Variants in TAMM41 observed in about 807,000 individuals in gnomAD.
TAMM41 encodes phosphatidate cytidylyltransferase, mitochondrial.
A neutral mutation model predicts 44.1 loss-of-function variants in TAMM41; 36 were observed. The ratio of observed to expected loss-of-function variants is 0.82; its 90% confidence interval spans 0.63 to 1.08. The LOEUF is 1.08. Among genes scored for constraint, TAMM41 ranks in the 50% least tolerant of loss-of-function variants. TAMM41 has a pLI of 0.00. For synonymous variants in TAMM41, 164 were observed against 153.1 expected (o/e 1.07, Z -0.53); for missense variants, 417 against 404.3 (o/e 1.03, Z -0.27).
rs143925365 is a variant in TAMM41, at chr3:11,809,541, C to T, written c.850G>A (p.Asp284Asn). Residue 284 changes from aspartate to asparagine, a missense_variant, in exon 6 of 8, where the codon GAC becomes AAC. Asp to Asn is a conservative substitution (Grantham distance 23). Coordinates refer to ENST00000455809, the MANE Select transcript of TAMM41 (RefSeq NM_001284401.2). ...ETLFQVAHDPDCGDVVRLGLS... is the reference protein window; with the variant it reads ...ETLFQVAHDPNCGDVVRLGLS... ...CCTAGTCGCACCACATCTCCACAGT[C>T]GGGATCATGAGCCACTTGGAATAAA... 9 of 1,613,948 alleles carry T rather than the reference C, an allele frequency of 5.6e-6. No individual in the cohort carries two copies. The highest frequency in any genetic ancestry group is 1.7e-5 in the Admixed American group (1 of 59,980).
chr3:11,759,281 G>A, the TAMM41 span, among the ~76,000 whole-genome samples: 1 of 152,108 alleles, frequency 6.6e-6, no homozygotes, highest in East Asian at 1.9e-4. Context: ...AGAGCTTAGC[G>A]GGTGATCAAC....
the TAMM41 span, among the ~76,000 whole-genome samples, chr3:11,733,641 C>T: frequency 3.3e-5 from 5 of 151,886 alleles, no homozygotes; most frequent in Admixed American, 1.3e-4. Flanking sequence ...TACAGGTGCC[C>T]GCCACCACAC....
chr3:11,809,528 A>G lies in TAMM41; in HGVS notation c.863T>C (p.Val288Ala), dbSNP rs756878772. The change falls in exon 6 of 8, where the codon GTG becomes GCG. Residue 288 changes from valine to alanine, a missense_variant. Physicochemically the swap from Val to Ala is moderately conservative, Grantham distance 64 (BLOSUM62 0). Transcript: ENST00000455809. ...QVAHDPDCGD[V>A]VRLGLSAIVR... is the part of the protein sequence containing the mutation. Reference sequence around the variant, plus strand: ...ATTCATAAACGTACCTAGTCGCACCACATCTCCACAGTCGGGATCATGAGC... The same window carrying G: ...ATTCATAAACGTACCTAGTCGCACCGCATCTCCACAGTCGGGATCATGAGC... 1 of 1,613,842 alleles carries G rather than the reference A, an allele frequency of 6.2e-7. No homozygotes were observed. The highest frequency in any genetic ancestry group is 8.5e-7 in the Non-Finnish European group (1 of 1,179,976).
At chr3:11,769,700 C>A in the TAMM41 span, among the ~76,000 whole-genome samples, 2 of 152,260 alleles carry the variant, frequency 1.3e-5, no homozygotes, top group Admixed American at 1.3e-4. Context: ...GCAAGGAGAC[C>A]ACTGACTATG....
intron 4 of TAMM41, among the ~76,000 whole-genome samples, chr3:11,818,897 C>CA (rs11419189): frequency 0.23 from 22,340 of 96,762 alleles, 3,764 homozygotes; most frequent in East Asian, 0.54. Flanking sequence ...GACTCCATCT[C>CA]AAAAAAAAAA....
intron 4 of TAMM41, among the ~76,000 whole-genome samples, chr3:11,817,706 G>A (rs1319040256): frequency 1.3e-5 from 2 of 152,196 alleles, no homozygotes; most frequent in African/African-American, 4.8e-5. Context: ...GATAGGAGCT[G>A]TGCACCATCA....
chr3:11,774,021 G>C, the TAMM41 span, among the ~76,000 whole-genome samples: 1 of 152,192 alleles, frequency 6.6e-6, no homozygotes, highest in Non-Finnish European at 1.5e-5. Context: ...CCAGGAAGGA[G>C]AGGTTGCAGT....
intron 1 of TAMM41, 35 bp downstream of exon 1, chr3:11,846,463 GAACA>G: frequency 1.2e-6 from 2 of 1,613,214 alleles, no homozygotes; most frequent in East Asian, 2.2e-5. Flanking sequence ...GGACTCGTGA[GAACA>G]GACAGTTCCC....
At chr3:11,844,513 C>T (rs2079587260) in intron 1 of TAMM41, among the ~76,000 whole-genome samples, 1 of 152,178 alleles carries the variant, frequency 6.6e-6, no homozygotes, top group South Asian at 2.1e-4. Context: ...CTGCTATTAT[C>T]TCAATTTTAT....
the TAMM41 span, among the ~76,000 whole-genome samples, chr3:11,733,469 C>T: frequency 6.6e-6 from 1 of 151,674 alleles, no homozygotes; most frequent in Non-Finnish European, 1.5e-5. Flanking sequence ...GCATCCAGGC[C>T]TTATAAGGAG....
chr3:11,823,622 T>C (rs553219383), intron 4 of TAMM41, among the ~76,000 whole-genome samples: 25 of 151,914 alleles, frequency 1.6e-4, no homozygotes, highest in African/African-American at 5.8e-4. Context: ...ATGCATGATT[T>C]GTAAACATTT....
chr3:11,743,224 T>A, the TAMM41 span, among the ~76,000 whole-genome samples: 1 of 151,870 alleles, frequency 6.6e-6, no homozygotes, highest in South Asian at 2.1e-4. Context: ...GTGGTGGCAG[T>A]GGAGTCTTTG....
intron 4 of TAMM41, among the ~76,000 whole-genome samples, chr3:11,819,227 T>A (rs888792280): frequency 4.6e-5 from 7 of 151,954 alleles, no homozygotes; most frequent in Non-Finnish European, 8.8e-5. Context: ...AAACACAGAG[T>A]AAGACAGAAA....
the TAMM41 span, among the ~76,000 whole-genome samples, chr3:11,742,800 T>C: frequency 1.3e-5 from 2 of 151,892 alleles, no homozygotes; most frequent in Non-Finnish European, 2.9e-5. Context: ...CTCGCCATGT[T>C]GTCCAGGCTG....
intron 7 of TAMM41, among the ~76,000 whole-genome samples, chr3:11,799,333 A>T (rs1396873915): frequency 6.6e-6 from 1 of 152,238 alleles, no homozygotes; most frequent in Non-Finnish European, 1.5e-5. Context: ...ATTCCTATGA[A>T]GTTAAAACTC....
the TAMM41 span, among the ~76,000 whole-genome samples, chr3:11,746,653 A>T: frequency 2.4e-3 from 367 of 152,098 alleles, 2 homozygotes; most frequent in African/African-American, 8.5e-3. Context: ...TAATTAATTT[A>T]TTTATTTATT....
chr3:11,790,310 TCTGATG>T, downstream of TAMM41: 2 of 601,850 alleles, frequency 3.3e-6, no homozygotes, highest in Non-Finnish European at 5.8e-6. Context: ...GTTCTTTTCT[TCTGATG>T]CTAAGCCCTC....
In TAMM41 at chr3:11,795,208, G is replaced by A. The variant is rs78715346; in HGVS notation, c.938-4627C>T. 1.6e-3 allele frequency among the ~76,000 whole-genome samples: 244 copies of A among 152,276 alleles called. 5 individuals carry two copies. In the East Asian group the frequency reaches 0.038, roughly 24 times the overall value. The stretch of plus-strand genomic sequence containing the variant: ...AGTTGAATCTTTTGAAGCTAGAGAG[G>A]TAAACAGGTATTTGTCCCCAGAGTT... On this transcript the variant is annotated intron_variant, in intron 7 of 7. Coordinates refer to ENST00000455809, the MANE Select transcript of TAMM41 (RefSeq NM_001284401.2).
intron 5 of TAMM41, among the ~76,000 whole-genome samples, chr3:11,814,326 C>G (rs760039060): frequency 1.3e-5 from 2 of 151,936 alleles, no homozygotes; most frequent in African/African-American, 2.4e-5. Flanking sequence ...AAGACAAAAT[C>G]TTCAAAAGTT....
Sources: allele counts gnomAD v4.1 joint callset (sites outside exome capture counted in the v4.1 genomes callset), GRCh38; gene constraint gnomAD v4.1.1; transcripts MANE v1.5; gene names NCBI Gene and HGNC (gene_info 2026-07-23, HGNC 2026-07-21).